The following SIRPA variants were observed in gnomAD, a reference collection of about 807,000 sequenced individuals.
The protein encoded by SIRPA is signal regulatory protein alpha.
SIRPA carries 9 observed loss-of-function variants against 50.3 expected under a neutral mutation model. The observed-to-expected ratio is 0.18, with a 90% CI of 0.11 to 0.31. The LOEUF (loss-of-function observed/expected upper bound fraction) is 0.31. Among genes scored for constraint, SIRPA ranks in the 10% least tolerant of loss-of-function variants. The pLI is 1.00. For missense variants in SIRPA, 474 were observed against 661.6 expected, an observed-to-expected ratio of 0.72 and a Z score of 3.11; for synonymous variants, 265 against 284.1, an observed-to-expected ratio of 0.93 and a Z score of 0.68.
intron 2 of SIRPA, 84 bp downstream of exon 2, chr20:1,915,539 G>C: frequency 6.7e-7 from 1 of 1,503,102 alleles, no homozygotes; most frequent in South Asian, 1.2e-5. Context: ...GCAATGATCA[G>C]GTGTGGTGGT....
At chr20:1,916,865 T>C (rs1164197272) in intron 2 of SIRPA, among the ~76,000 whole-genome samples, 1 of 152,130 alleles carries the variant, frequency 6.6e-6, no homozygotes, top group Non-Finnish European at 1.5e-5. Flanking sequence ...GGGGTGTGTG[T>C]TTTAATGTGT....
intron 3 of SIRPA, 54 bp downstream of exon 3, chr20:1,921,766 C>T (rs1228422957): frequency 6.2e-7 from 1 of 1,608,518 alleles, no homozygotes; most frequent in Admixed American, 1.7e-5. Flanking sequence ...GCCCACCCCC[C>T]ACCACCCTCC....
chr20:1,934,124 A>T lies in SIRPA; in HGVS notation c.1227-591A>T, dbSNP rs1398188235. Among the ~76,000 whole-genome samples the T allele has an allele frequency of 6.6e-6, 1 of 152,080 alleles. No individual in the cohort carries two copies. Among genetic ancestry groups the T allele is most frequent in the Non-Finnish European group, 1.5e-5 (1 of 68,016 alleles). On this transcript the variant is annotated intron_variant, in intron 6 of 7. Transcript: ENST00000358771. The surrounding 1 kb of genome is among the most constrained non-coding windows in gnomAD (Gnocchi z 4.6). The stretch of plus-strand genomic sequence containing the variant: ...TTTTCCTTTTTCACTTATCATTTTA[A>T]TGTAAGCAATTTTAACTTAAAAAAA...
intron 1 of SIRPA, 65 bp downstream of exon 1, chr20:1,895,591 G>A: frequency 8.2e-7 from 1 of 1,226,986 alleles, no homozygotes; most frequent in Non-Finnish European, 1.1e-6. Context: ...TCTCAGACTG[G>A]CACTGGGACC....
chr20:1,925,760 T>C (rs1985940635), intron 5 of SIRPA, among the ~76,000 whole-genome samples: 1 of 152,188 alleles, frequency 6.6e-6, no homozygotes, highest in African/African-American at 2.4e-5. Flanking sequence ...AATAAGCCCA[T>C]GTGAAATAAC....
At chr20:1,912,940 C>T (rs1484001438) in intron 1 of SIRPA, among the ~76,000 whole-genome samples, 5 of 152,218 alleles carry the variant, frequency 3.3e-5, no homozygotes, top group Non-Finnish European at 7.3e-5. Flanking sequence ...ATGGGCCTCC[C>T]GGGCCTCCCA....
chr20:1,918,650 C>T lies in SIRPA; in HGVS notation c.437-2745C>T, dbSNP rs929862815. On this transcript the variant is annotated intron_variant, in intron 2 of 7. Coordinates refer to ENST00000358771, the MANE Select transcript of SIRPA (RefSeq NM_001040023.2). ...TGAGGATGCAATGAGCCTGGGGCGA[C>T]GATAGACCTTAGTAAGCAATGGGGT... 4.6e-5 allele frequency among the ~76,000 whole-genome samples: 7 copies of T among 152,172 alleles called. 1 individual carries two copies. The highest frequency in any genetic ancestry group is 5.9e-5 in the Non-Finnish European group (4 of 68,008).
At chr20:1,901,399 G>A (rs986086711) in intron 1 of SIRPA, among the ~76,000 whole-genome samples, 1 of 151,938 alleles carries the variant, frequency 6.6e-6, no homozygotes, top group Non-Finnish European at 1.5e-5. Flanking sequence ...TCAAACTCCT[G>A]ACCTCAGGTG....
rs976830382 is a variant in SIRPA, at chr20:1,928,011, A to G, written c.1226+112A>G. ...ACTGACCTCACCAATGTGTTGGTCA[A>G]CATGTCTCTTTCTCTCCTTTGTAAC... On this transcript the variant is annotated intron_variant, in intron 6 of 7. Transcript: ENST00000358771. This position sits in a 1 kb window ranked among gnomAD's most constrained non-coding sequence, Gnocchi z 4.9. 2.6e-5 allele frequency: 23 copies of G among 896,610 alleles called. 1 individual carries two copies. Among genetic ancestry groups the G allele is most frequent in the Middle Eastern group, 4.3e-4 (2 of 4,644 alleles). The allele number at this position is 896,610 out of a possible 1,614,324, so 55.5% of individuals were successfully genotyped here.
rs1983956212 is a variant in SIRPA, at chr20:1,898,400, T to C, written c.79+2874T>C. 1.3e-5 allele frequency among the ~76,000 whole-genome samples: 2 copies of C among 152,166 alleles called. No homozygotes were observed. Among genetic ancestry groups the C allele is most frequent in the Non-Finnish European group, 2.9e-5 (2 of 68,026 alleles). ...TAATTCACGTCTGTACTTGCAGTCA[T>C]GCAGCACCTATGCAGTGCTGGTGTG... On this transcript the variant is annotated intron_variant, in intron 1 of 7. Transcript: ENST00000358771. This position sits in a 1 kb window ranked among gnomAD's most constrained non-coding sequence, Gnocchi z 4.3.
rs768710006 is a variant in SIRPA at position 1,924,834 on chromosome 20, A to C, written c.1158A>C (p.Leu386=). The C allele has an allele frequency of 1.9e-6, 3 of 1,614,124 alleles. No individual in the cohort carries two copies. The highest frequency in any genetic ancestry group is 2.2e-5 in the East Asian group (1 of 44,890). ...TGGTGTGCACCTTGCTGGTGGCCCT[A>C]CTGATGGCGGCCCTCTACCTCGTCC... ...VGVVCTLLVA[L]LMAALYLVRI... The change falls in exon 5 of 8, where the codon CTA becomes CTC. Residue 386 remains leucine (L), a synonymous_variant. Transcript: ENST00000358771. The surrounding 1 kb of genome is among the most constrained non-coding windows in gnomAD (Gnocchi z 4.5).
At position 1,938,534 on chromosome 20, in the gene SIRPA, C is replaced by T. The variant is rs1334898910; in HGVS notation, c.*966C>T. ...AGTCTGAGGTTTAACAGTTTGTTGT[C>T]CTGGAGGGATTTTCTTACAGCGAAG... On this transcript the variant is annotated 3_prime_UTR_variant, in exon 8 of 8. Coordinates refer to ENST00000358771, the MANE Select transcript of SIRPA (RefSeq NM_001040023.2). The T allele has an allele frequency of 6.6e-6, 1 of 152,574 alleles. No individual in the cohort carries two copies. Among genetic ancestry groups the T allele is most frequent in the African/African-American group, 2.4e-5 (1 of 41,420 alleles). 9.5% of individuals were successfully genotyped at this position (152,574 alleles called of 1,614,324 possible).
intron 4 of SIRPA, among the ~76,000 whole-genome samples, chr20:1,923,864 A>C (rs973383630): frequency 6.6e-6 from 1 of 152,214 alleles, no homozygotes; most frequent in Non-Finnish European, 1.5e-5. Flanking sequence ...TCTGAGTCTC[A>C]GCTGGTAGGG....
rs971894517 is a variant in SIRPA, at chr20:1,933,830, G to A, written c.1227-885G>A. ...CTCTGGTTTGCTCATCACCTTGACC[G>A]TGACCCTCCAGTGAGTCAAGTCATG... On this transcript the variant is annotated intron_variant, in intron 6 of 7. Transcript: ENST00000358771. This position sits in a 1 kb window ranked among gnomAD's most constrained non-coding sequence, Gnocchi z 4.4. 1.3e-5 allele frequency among the ~76,000 whole-genome samples: 2 copies of A among 152,170 alleles called. No individual in the cohort carries two copies. Among genetic ancestry groups the A allele is most frequent in the Non-Finnish European group, 2.9e-5 (2 of 68,028 alleles).
At chr20:1,905,365 C>T (rs1019113663) in intron 1 of SIRPA, among the ~76,000 whole-genome samples, 1 of 152,222 alleles carries the variant, frequency 6.6e-6, no homozygotes, top group African/African-American at 2.4e-5. Context: ...GGAATCCCAC[C>T]TCTGCCACTT....
At chr20:1,907,285 T>A (rs985921892) in intron 1 of SIRPA, among the ~76,000 whole-genome samples, 1 of 152,170 alleles carries the variant, frequency 6.6e-6, no homozygotes, top group Non-Finnish European at 1.5e-5. Flanking sequence ...AGGTAGCAGT[T>A]TCTATCACAG....
intron 1 of SIRPA, among the ~76,000 whole-genome samples, chr20:1,909,524 G>T (rs960034138): frequency 1.3e-5 from 2 of 152,226 alleles, no homozygotes; most frequent in Non-Finnish European, 2.9e-5. Flanking sequence ...GCTCATGCCT[G>T]TAATCCCAGC....
In SIRPA at chr20:1,934,577, G is replaced by A. The variant is rs1330112381; in HGVS notation, c.1227-138G>A. On this transcript the variant is annotated intron_variant, in intron 6 of 7. Transcript: ENST00000358771. This position sits in a 1 kb window ranked among gnomAD's most constrained non-coding sequence, Gnocchi z 4.6. ...CCTTTGTCCAAACATTTGATATGCA[G>A]TTGTATTTCTGTTATGAGTCCTTCG... 11 of 722,124 alleles carry A rather than the reference G, an allele frequency of 1.5e-5. No individual in the cohort carries two copies. Among genetic ancestry groups the A allele is most frequent in the Non-Finnish European group, 2.3e-5 (10 of 428,218 alleles). 44.7% of individuals were successfully genotyped at this position (722,124 alleles called of 1,614,324 possible). A position where few individuals can be genotyped will look rare whatever the true frequency, so the allele number is the denominator to read the frequency against.
At chr20:1,922,794 C>T (rs999271526) in intron 4 of SIRPA, 149 bp downstream of exon 4, 1 of 937,882 alleles carries the variant, frequency 1.1e-6, no homozygotes, top group African/African-American at 1.7e-5. Flanking sequence ...CTCCATTTCC[C>T]CAAATCCCAC....
Sources: allele counts gnomAD v4.1 joint callset (sites outside exome capture counted in the v4.1 genomes callset), GRCh38; gene constraint gnomAD v4.1.1; non-coding constraint Gnocchi (gnomAD v3.1); transcripts MANE v1.5; gene names NCBI Gene and HGNC (gene_info 2026-07-23, HGNC 2026-07-21).